Variants in ADRA1B observed in about 807,000 individuals in gnomAD.
ADRA1B encodes adrenoceptor alpha 1B, also known as alpha-1B adrenergic receptor.
A neutral mutation model predicts 17.9 loss-of-function variants in ADRA1B; 17 were observed. The observed-to-expected ratio is 0.95, with a 90% confidence interval of 0.65 to 1.42. The LOEUF is 1.42. ADRA1B is among the 40% of genes most tolerant of loss of function. The probability of loss-of-function intolerance (pLI) is 0.00; values close to 1 mark genes in which losing one functional copy is unlikely to be tolerated. For missense variants in ADRA1B, 681 were observed against 722.1 expected, an observed-to-expected ratio of 0.94 and a Z score of 0.65; for synonymous variants, 366 against 327.6, an observed-to-expected ratio of 1.12 and a Z score of -1.27.
At chr5:159,983,530 C>T in the ADRA1B span, among the ~76,000 whole-genome samples, 1 of 152,228 alleles carries the variant, frequency 6.6e-6, no homozygotes, top group Non-Finnish European at 1.5e-5. Context: ...CTCAGCCAGA[C>T]ACGCTTAAGA....
rs188267676 is a variant in ADRA1B, at chr5:159,911,337, C to T, written c.-255-4782C>T. 1.2e-4 allele frequency among the ~76,000 whole-genome samples: 18 copies of T among 152,322 alleles called. No individual in the cohort carries two copies. In the East Asian group the frequency reaches 3.5e-3, roughly 29 times the overall value. On this transcript the variant is annotated intron_variant, in intron 1 of 2. Coordinates refer to the ADRA1B transcript ENST00000641205. ...CTGTCCCACCAGAATAGCACGAAGG[C>T]ATAAGAGAGAATGGATCTGCTCTCT...
intron 1 of ADRA1B, among the ~76,000 whole-genome samples, chr5:159,905,021 C>T (rs1336349249): frequency 6.6e-6 from 1 of 152,210 alleles, no homozygotes; most frequent in Non-Finnish European, 1.5e-5. Context: ...GCCAACAGAT[C>T]AAGTCACTAT....
intron 1 of ADRA1B, among the ~76,000 whole-genome samples, chr5:159,889,913 T>TA (rs1263747041): frequency 6.6e-6 from 1 of 152,306 alleles, no homozygotes; most frequent in East Asian, 1.9e-4. Context: ...ACCTAACACT[T>TA]ATGATTGTCT....
In ADRA1B at chr5:159,898,278, A is replaced by G. The variant is rs1156704507; in HGVS notation, c.-255-17841A>G. On this transcript the variant is annotated intron_variant, in intron 1 of 2. Transcript: ENST00000641205. Reference sequence around the variant, plus strand: ...TGCATATCACTGGTTCCCTGTGAACACAGAGAGCAGGAAGAGTGGGAGAGA... The same window carrying G: ...TGCATATCACTGGTTCCCTGTGAACGCAGAGAGCAGGAAGAGTGGGAGAGA... 2.0e-5 allele frequency among the ~76,000 whole-genome samples: 3 copies of G among 152,228 alleles called. 1 individual carries two copies. The highest frequency in any genetic ancestry group is 6.5e-5 in the Admixed American group (1 of 15,276).
chr5:159,964,031 G>T (rs2113286495), intron 1 of ADRA1B, among the ~76,000 whole-genome samples: 1 of 152,276 alleles, frequency 6.6e-6, no homozygotes, highest in East Asian at 1.9e-4. Context: ...TCCCACATGT[G>T]GTTTCCCAGG....
At chr5:159,921,971 G>A (rs1440681457) in intron 1 of ADRA1B, among the ~76,000 whole-genome samples, 1 of 152,210 alleles carries the variant, frequency 6.6e-6, no homozygotes, top group Non-Finnish European at 1.5e-5. Flanking sequence ...TTGGCAAGGG[G>A]GAAGTTTTTA....
At chr5:159,933,278 C>G (rs1754863636) in intron 1 of ADRA1B, among the ~76,000 whole-genome samples, 1 of 152,160 alleles carries the variant, frequency 6.6e-6, no homozygotes, top group East Asian at 1.9e-4. Flanking sequence ...ACATTCTTTT[C>G]CTTAATATCT....
intron 1 of ADRA1B, among the ~76,000 whole-genome samples, chr5:159,896,431 T>C (rs1208121624): frequency 6.6e-6 from 1 of 152,222 alleles, no homozygotes; most frequent in Non-Finnish European, 1.5e-5. Flanking sequence ...CCAGTTCTTG[T>C]GTCAATTCTC....
In ADRA1B at chr5:159,972,419, A is replaced by C; in HGVS notation, c.1490A>C (p.Glu497Ala). Residue 497 changes from glutamate (E) to alanine (A), a missense_variant, in exon 2 of 2, where the codon GAG (glutamate) becomes GCG (alanine). By Grantham distance (107) the Glu-to-Ala change is moderately radical (BLOSUM62 -1). Transcript: ENST00000306675. ...GGCGGCGCCAGCAACGGAGGCTGCG[A>C]GGCCGCGGCCGACGTGGCCAACGGG... ...TDGGASNGGC[E>A]AAADVANGQP... 6.6e-7 allele frequency: 1 copy of C among 1,507,056 alleles called. No homozygotes were observed. The highest frequency in any genetic ancestry group is 1.4e-5 in the African/African-American group (1 of 69,792). 93.4% of individuals were successfully genotyped at this position (1,507,056 alleles called of 1,614,324 possible).
chr5:159,956,557 C>G (rs1755553912), intron 1 of ADRA1B, among the ~76,000 whole-genome samples: 1 of 152,114 alleles, frequency 6.6e-6, no homozygotes, highest in African/African-American at 2.4e-5. Context: ...TATGTAAATG[C>G]TACATGATTT....
chr5:159,957,377 G>T (rs866798202), intron 1 of ADRA1B, among the ~76,000 whole-genome samples: 1 of 151,430 alleles, frequency 6.6e-6, no homozygotes, highest in Non-Finnish European at 1.5e-5. Context: ...GCCATTGTGC[G>T]CACCTTTAGT....
chr5:159,963,901 CT>C (rs1292527704), intron 1 of ADRA1B, among the ~76,000 whole-genome samples: 8 of 152,320 alleles, frequency 5.3e-5, no homozygotes, highest in Middle Eastern at 3.4e-3. Context: ...CTAAATCGCC[CT>C]TGGGCACTCA....
At chr5:159,979,386 A>G in the ADRA1B span, among the ~76,000 whole-genome samples, 1 of 152,202 alleles carries the variant, frequency 6.6e-6, no homozygotes, top group African/African-American at 2.4e-5. Flanking sequence ...GTTGTCATGA[A>G]GATCAGTTAC....
At position 159,878,984 on chromosome 5, in the gene ADRA1B, A is replaced by C. The variant is rs373420222; in HGVS notation, c.-256+13778A>C. Among the ~76,000 whole-genome samples the C allele has an allele frequency of 2.8e-3, 419 of 152,264 alleles. 3 individuals are homozygous for C. The highest frequency in any genetic ancestry group is 9.6e-3 in the African/African-American group (400 of 41,562). ...GTCGCTCAAAACCCAGCAAAGAGCCAGCTGCCTCCTTACATCCTCACCCCG... is the reference window on the plus strand; with the variant it reads ...GTCGCTCAAAACCCAGCAAAGAGCCCGCTGCCTCCTTACATCCTCACCCCG... On this transcript the variant is annotated intron_variant, in intron 1 of 2. Transcript: ENST00000641205.
the ADRA1B span, among the ~76,000 whole-genome samples, chr5:159,981,238 G>A: frequency 2.0e-5 from 3 of 152,124 alleles, no homozygotes; most frequent in Admixed American, 6.5e-5. Flanking sequence ...TGTTGGGCAG[G>A]GGTGGGCACT....
chr5:159,980,218 T>C, the ADRA1B span, among the ~76,000 whole-genome samples: 13 of 151,940 alleles, frequency 8.6e-5, no homozygotes, highest in Non-Finnish European at 1.6e-4. Flanking sequence ...GGATCGGTGG[T>C]CACAGAACTG....
chr5:159,898,670 A>C (rs1015845059), intron 1 of ADRA1B, among the ~76,000 whole-genome samples: 2 of 152,220 alleles, frequency 1.3e-5, no homozygotes, highest in Non-Finnish European at 2.9e-5. Flanking sequence ...AGCATCCTAT[A>C]ATGTTACCAT....
chr5:159,947,550 C>G (rs1183709308), intron 1 of ADRA1B: 2 of 225,914 alleles, frequency 8.9e-6, no homozygotes, highest in Admixed American at 6.5e-5. Flanking sequence ...GGCCTCAATA[C>G]TTGGTTGTTG....
At chr5:159,962,787 C>T (rs1581068886) in intron 1 of ADRA1B, among the ~76,000 whole-genome samples, 1 of 148,768 alleles carries the variant, frequency 6.7e-6, no homozygotes, top group Admixed American at 6.6e-5. Context: ...CCTCCCACCT[C>T]AGCCTCCCGA....
Sources: gnomAD v4.1 joint callset for allele counts (sites outside exome capture counted in the v4.1 genomes callset) on GRCh38, gnomAD v4.1.1 for gene constraint, MANE v1.5 for transcripts, NCBI Gene and HGNC (gene_info 2026-07-23, HGNC 2026-07-21) for gene names.